The following DAGLA variants were observed in gnomAD, a reference collection of about 807,000 sequenced individuals.
DAGLA encodes diacylglycerol lipase alpha.
DAGLA carries 22 observed loss-of-function variants against 102.6 expected under a neutral mutation model. The ratio of observed to expected loss-of-function variants is 0.21; its 90% CI spans 0.15 to 0.31. DAGLA has a LOEUF of 0.31. Ranked by LOEUF, DAGLA falls within the 10% of genes least tolerant of loss-of-function variation. DAGLA has a pLI of 1.00. For missense variants in DAGLA, 927 were observed against 1,446.6 expected (o/e 0.64, Z 5.83); for synonymous variants, 578 against 628.9 (o/e 0.92, Z 1.21).
intron 1 of DAGLA, among the ~76,000 whole-genome samples, chr11:61,708,547 AT>A: frequency 6.6e-6 from 1 of 150,790 alleles, no homozygotes; most frequent in East Asian, 2.0e-4. Flanking sequence ...TGCCCAGCTA[AT>A]TTTTTTTGTA....
At chr11:61,737,861 T>A in intron 15 of DAGLA, 106 bp downstream of exon 15, 1 of 1,040,654 alleles carries the variant, frequency 9.6e-7, no homozygotes, top group Non-Finnish European at 1.5e-6. Flanking sequence ...GATTCCTGTC[T>A]CTCAAGGGAC....
chr11:61,697,797 C>T (rs2065078953), intron 1 of DAGLA, among the ~76,000 whole-genome samples: 1 of 152,130 alleles, frequency 6.6e-6, no homozygotes, highest in Non-Finnish European at 1.5e-5. Flanking sequence ...TCAAGTGATC[C>T]TCCCATCTCA....
intron 1 of DAGLA, among the ~76,000 whole-genome samples, chr11:61,681,693 G>C (rs1388697964): frequency 6.6e-6 from 1 of 152,098 alleles, no homozygotes; most frequent in Admixed American, 6.5e-5. Flanking sequence ...CTGGGAATCT[G>C]CTGGGGCCAC....
At chr11:61,737,512 T>C (rs773007115) in intron 14 of DAGLA, among the ~76,000 whole-genome samples, 175 bp from the exon 15 acceptor site, 4 of 152,066 alleles carry the variant, frequency 2.6e-5, no homozygotes, top group Non-Finnish European at 5.9e-5. Context: ...TAGCAAAGCC[T>C]TACCAGTGGG....
Position 61,741,252 on chromosome 11 carries a change from C to T in DAGLA, c.2074C>T (p.Leu692Phe). The T allele has an allele frequency of 6.2e-7, 1 of 1,613,402 alleles. No homozygotes were observed. Among genetic ancestry groups the T allele is most frequent in the East Asian group, 2.2e-5 (1 of 44,890 alleles). ...SPTEVDLTPE[L>F]IFQQQPLPTG... ...TACCGAGGTGGACCTGACTCCTGAG[C>T]TCATCTTCCAGCAGCAGCCACTCCC... Residue 692 changes from leucine (L) to phenylalanine (F), a missense_variant, in exon 19 of 20, where the codon CTC becomes TTC. Physicochemically the swap from Leu to Phe is conservative, Grantham distance 22. Around this residue, in one of 4 missense-constraint regions of DAGLA, gnomAD observed 434 missense variants for 503.3 expected, o/e 0.86. Transcript: ENST00000257215.
intron 8 of DAGLA, among the ~76,000 whole-genome samples, chr11:61,731,026 A>T (rs946167056): frequency 1.3e-5 from 2 of 152,202 alleles, no homozygotes; most frequent in Admixed American, 1.3e-4. Flanking sequence ...ACAGGCAAGG[A>T]AATGGACCAA....
At position 61,743,723 on chromosome 11, in the gene DAGLA, C is replaced by A. The variant is rs2065505414; in HGVS notation, c.2363C>A (p.Ser788Tyr). The A allele has an allele frequency of 6.2e-7, 1 of 1,610,568 alleles. No homozygotes were observed. Among genetic ancestry groups the A allele is most frequent in the Non-Finnish European group, 8.5e-7 (1 of 1,179,424 alleles). Reference protein sequence around the residue: ...ATMESLSDTESLYSFDSRRSS... With the variant: ...ATMESLSDTEYLYSFDSRRSS... ...ATGGAGAGCCTCTCGGACACTGAGT[C>A]CCTGTACAGCTTCGACTCGCGCCGC... is the stretch of plus-strand genomic sequence containing the variant. The change falls in exon 20 of 20, where the codon TCC (serine) becomes TAC (tyrosine). Residue 788 changes from serine (S) to tyrosine (Y), a missense_variant. Transcript: ENST00000257215.
At chr11:61,742,831 T>TC (rs1158188286) in intron 19 of DAGLA, among the ~76,000 whole-genome samples, 3 of 140,502 alleles carry the variant, frequency 2.1e-5, no homozygotes, top group African/African-American at 7.6e-5. Flanking sequence ...TCTCTCTCAT[T>TC]CCACTGTGGC....
intron 1 of DAGLA, among the ~76,000 whole-genome samples, chr11:61,693,633 C>T (rs928399041): frequency 2.6e-5 from 4 of 152,224 alleles, no homozygotes; most frequent in Non-Finnish European, 5.9e-5. Context: ...AGGCATGAGC[C>T]ACCATGCCCG....
At chr11:61,740,619 C>G (rs1310859060) in intron 18 of DAGLA, 27 bp downstream of exon 18, 11 of 1,610,248 alleles carry the variant, frequency 6.8e-6, no homozygotes, top group South Asian at 5.5e-5. Context: ...CAGGGTACCA[C>G]CAGGGAATAA....
intron 1 of DAGLA, among the ~76,000 whole-genome samples, chr11:61,713,727 C>T (rs1232304949): frequency 6.6e-6 from 1 of 152,232 alleles, no homozygotes; most frequent in Non-Finnish European, 1.5e-5. Flanking sequence ...AACACAACGC[C>T]TCTGCTGGGG....
At chr11:61,683,209 C>T (rs1398794979) in intron 1 of DAGLA, among the ~76,000 whole-genome samples, 2 of 152,240 alleles carry the variant, frequency 1.3e-5, no homozygotes, top group African/African-American at 4.8e-5. Context: ...GCCCTGTGCC[C>T]AGGCTGCAGT....
chr11:61,706,867 C>T (rs1019613469), intron 1 of DAGLA, among the ~76,000 whole-genome samples: 4 of 152,258 alleles, frequency 2.6e-5, no homozygotes, highest in East Asian at 1.9e-4. Flanking sequence ...TGGCCTCTGC[C>T]GGTCTCACCA....
rs150399447 is a variant in DAGLA, at chr11:61,726,559, C to A, written c.636+477C>A. Among the ~76,000 whole-genome samples the A allele has an allele frequency of 4.2e-3, 641 of 152,318 alleles. 5 individuals carry two copies. The highest frequency in any genetic ancestry group is 0.015 in the African/African-American group (619 of 41,572). ...AGGGCACTGCAGAAGGAAGACAGGGCCAGCTGGGGGCGGCCCCCAAGGGGA... is the reference window on the plus strand; with the variant it reads ...AGGGCACTGCAGAAGGAAGACAGGGACAGCTGGGGGCGGCCCCCAAGGGGA... On this transcript the variant is annotated intron_variant, in intron 6 of 19. Coordinates refer to ENST00000257215, the MANE Select transcript of DAGLA (RefSeq NM_006133.3).
chr11:61,723,476 T>C lies in DAGLA; in HGVS notation c.452T>C (p.Ile151Thr), dbSNP rs2065300814. 6.2e-7 allele frequency: 1 copy of C among 1,614,108 alleles called. No individual in the cohort carries two copies. The highest frequency in any genetic ancestry group is 1.1e-5 in the South Asian group (1 of 91,070). Residue 151 changes from isoleucine to threonine, a missense_variant, in exon 5 of 20, where the codon ATC becomes ACC. By Grantham distance (89) the Ile-to-Thr change is moderately conservative. This residue lies in a region of DAGLA where 231 missense variants were observed against 439.8 expected (regional missense o/e 0.53). Coordinates refer to ENST00000257215, the MANE Select transcript of DAGLA (RefSeq NM_006133.3). ...CNWVVILSVC[I>T]TVLCVFDPTG... is the part of the protein sequence containing the mutation. ...TGGGTAGTCATCCTCAGTGTGTGCA[T>C]CACTGTCCTCTGCGTCTTCGACCCC...
chr11:61,685,932 G>C (rs2064982802), intron 1 of DAGLA, among the ~76,000 whole-genome samples: 2 of 152,142 alleles, frequency 1.3e-5, no homozygotes, highest in South Asian at 2.1e-4. Flanking sequence ...GCTGGAGCTG[G>C]GTCCCCAGGA....
chr11:61,697,814 C>G (rs1481133840), intron 1 of DAGLA, among the ~76,000 whole-genome samples: 1 of 152,156 alleles, frequency 6.6e-6, no homozygotes, highest in South Asian at 2.1e-4. Context: ...CTCAGCCTCC[C>G]AAGCAGCTGG....
At chr11:61,689,887 T>A (rs2065011052) in intron 1 of DAGLA, among the ~76,000 whole-genome samples, 1 of 152,308 alleles carries the variant, frequency 6.6e-6, no homozygotes, top group African/African-American at 2.4e-5. Flanking sequence ...AGTTTCTTCC[T>A]CAGATTCTCT....
chr11:61,680,417 G>A lies in DAGLA; in HGVS notation c.-132G>A, dbSNP rs569910698. ...TTCGCGCCGGCGCCGGCGCCCTGCG[G>A]AAGCGGCGTTAGTGAATCGGGGCCT... On this transcript the variant is annotated 5_prime_UTR_variant, in exon 1 of 20. Transcript: ENST00000257215. 3 of 152,192 alleles carry A rather than the reference G, an allele frequency of 2.0e-5. No homozygotes were observed. Among genetic ancestry groups the A allele is most frequent in the Non-Finnish European group, 4.4e-5 (3 of 67,928 alleles). The allele number at this position is 152,192 out of a possible 1,614,324, so 9.4% of individuals were successfully genotyped here.
Sources: gnomAD v4.1 joint callset for allele counts (sites outside exome capture counted in the v4.1 genomes callset) on GRCh38, gnomAD v4.1.1 for gene constraint, gnomAD v4.1.1 regional missense constraint, MANE v1.5 for transcripts, NCBI Gene and HGNC (gene_info 2026-07-23, HGNC 2026-07-21) for gene names.